Variants in ARG1 observed in about 807,000 individuals in gnomAD.
ARG1 encodes the protein arginase-1.
ARG1 carries 20 observed loss-of-function variants against 33.0 expected under a neutral mutation model. The observed-to-expected ratio is 0.61, with a 90% CI of 0.43 to 0.88. The LOEUF is 0.88. Ranked by LOEUF, ARG1 falls within the 40% of genes least tolerant of loss-of-function variation. ARG1 has a pLI of 0.00. For synonymous variants in ARG1, 146 were observed against 140.6 expected (o/e 1.04, Z -0.27); for missense variants, 374 against 384.7 (o/e 0.97, Z 0.23).
At chr6:131,582,389 C>T (rs994499212) in intron 4 of ARG1, among the ~76,000 whole-genome samples, 2 of 151,990 alleles carry the variant, frequency 1.3e-5, no homozygotes, top group Non-Finnish European at 2.9e-5. Context: ...AAAGAAGGGC[C>T]CAGCAGGACT....
intron 1 of ARG1, among the ~76,000 whole-genome samples, chr6:131,576,405 T>C (rs1351892693): frequency 6.6e-6 from 1 of 152,204 alleles, no homozygotes; most frequent in Non-Finnish European, 1.5e-5. Context: ...AATATGAACA[T>C]AGGCTCTGCC....
chr6:131,574,190 T>C, intron 1 of ARG1: 1 of 1,334,516 alleles, frequency 7.5e-7, no homozygotes, highest in Non-Finnish European at 1.1e-6. Context: ...CAAGACAATG[T>C]ATGAGTTGAA....
chr6:131,576,896 G>A (rs2114519984), intron 2 of ARG1, among the ~76,000 whole-genome samples, 161 bp downstream of exon 2: 1 of 152,230 alleles, frequency 6.6e-6, no homozygotes, highest in South Asian at 2.1e-4. Context: ...AGGGCATGGG[G>A]AGAATGCTCA....
rs953667116 is a variant in ARG1, at chr6:131,584,173, A to T, written c.*265A>T. 4 of 433,208 alleles carry T rather than the reference A, an allele frequency of 9.2e-6. No individual in the cohort carries two copies. The highest frequency in any genetic ancestry group is 1.7e-5 in the Non-Finnish European group (4 of 241,224). 26.8% of individuals were successfully genotyped at this position (433,208 alleles called of 1,614,324 possible). On this transcript the variant is annotated 3_prime_UTR_variant, in exon 8 of 8. Coordinates refer to ENST00000368087, the MANE Select transcript of ARG1 (RefSeq NM_000045.4). ...AGTGTACATTGATTTCCAATTAAAA[A>T]TTTGCTGGCATTAAAAATAAGCACA...
rs532943866 is a variant in ARG1 at position 131,583,818 on chromosome 6, G to C, written c.879G>C (p.Val293=). 5 of 1,614,112 alleles carry C rather than the reference G, an allele frequency of 3.1e-6. No individual in the cohort carries two copies. The Admixed American group carries it at 8.3e-5, about 27-fold the overall frequency. The part of the protein sequence containing the change: ...GKTPEEVTRT[V]NTAVAITLAC... ...CACCAGAAGAAGTAACTCGAACAGT[G>C]AACACAGCAGTTGCAATAACCTTGG... Residue 293 remains valine, a synonymous_variant, in exon 8 of 8, where the codon GTG becomes GTC. Coordinates refer to ENST00000368087, the MANE Select transcript of ARG1 (RefSeq NM_000045.4).
At chr6:131,581,786 C>T (rs1464485979) in intron 4 of ARG1, among the ~76,000 whole-genome samples, 2 of 152,090 alleles carry the variant, frequency 1.3e-5, no homozygotes, top group African/African-American at 4.8e-5. Flanking sequence ...CTGAGTAGTC[C>T]TTCTATATCA....
intron 1 of ARG1, among the ~76,000 whole-genome samples, chr6:131,573,776 C>A (rs1460799427): frequency 6.6e-6 from 1 of 151,972 alleles, no homozygotes; most frequent in African/African-American, 2.4e-5. Context: ...TTGGTGGTAA[C>A]CTTCAGGCTT....
At chr6:131,577,988 G>A (rs1294843754) in intron 2 of ARG1, among the ~76,000 whole-genome samples, 3 of 150,114 alleles carry the variant, frequency 2.0e-5, no homozygotes, top group Middle Eastern at 3.8e-3. Flanking sequence ...GATAAGACAA[G>A]AAAGACTACA....
At position 131,576,349 on chromosome 6, in the gene ARG1, G is replaced by A. The variant is rs551387878; in HGVS notation, c.58-314G>A. Among the ~76,000 whole-genome samples the A allele has an allele frequency of 3.9e-5, 6 of 152,316 alleles. No homozygotes were observed. The East Asian group carries it at 1.2e-3, about 29-fold the overall frequency. On this transcript the variant is annotated intron_variant, in intron 1 of 7. Coordinates refer to ENST00000368087, the MANE Select transcript of ARG1 (RefSeq NM_000045.4). ...TACTTGTTCACTGTGTTGATAACAT[G>A]GTTTGACGGGAAGAGGGGATGTAGG...
rs764273304 is a variant in ARG1 at position 131,583,398 on chromosome 6, G to T, written c.709G>T (p.Asp237Tyr). The T allele has an allele frequency of 6.2e-7, 1 of 1,614,146 alleles. No homozygotes were observed. Among genetic ancestry groups the T allele is most frequent in the Admixed American group, 1.7e-5 (1 of 60,026 alleles). The change falls in exon 7 of 8, where the codon GAC becomes TAC. Residue 237 changes from aspartate to tyrosine, a missense_variant. Asp to Tyr is a radical substitution (Grantham distance 160). Transcript: ENST00000368087. Reference protein sequence around the residue: ...IHLSFDVDGLDPSFTPATGTP... With the variant: ...IHLSFDVDGLYPSFTPATGTP... Reference sequence around the variant, plus strand: ...TCTAAGTTTTGATGTTGACGGACTGGACCCATCTTTCACACCAGCTACTGG... The same window carrying T: ...TCTAAGTTTTGATGTTGACGGACTGTACCCATCTTTCACACCAGCTACTGG...
intron 1 of ARG1, among the ~76,000 whole-genome samples, chr6:131,574,845 A>T (rs941684057): frequency 2.6e-5 from 4 of 151,986 alleles, no homozygotes; most frequent in East Asian, 3.9e-4. Flanking sequence ...CAGTTGGGTT[A>T]AAAAAAAGCC....
At chr6:131,579,342 A>G (rs1270331162) in intron 3 of ARG1, 57 bp downstream of exon 3, 2 of 1,581,274 alleles carry the variant, frequency 1.3e-6, no homozygotes, top group East Asian at 2.2e-5. Context: ...AACCAAGGCC[A>G]TAAGAAGAGA....
intron 2 of ARG1, 131 bp from the exon 3 acceptor site, chr6:131,578,980 A>T: frequency 9.5e-7 from 1 of 1,049,886 alleles, no homozygotes; most frequent in Non-Finnish European, 1.4e-6. Context: ...CCCAAGATTT[A>T]CAGACCTTTC....
rs758420954 is a variant in ARG1 at position 131,583,178 on chromosome 6, G to C, written c.665+14G>C. ...TCTACTAGGAAGGTAGGATTCTTTT[G>C]TGTGTGCACACATGTGTGTGCAACA... On this transcript the variant is annotated intron_variant, in intron 6 of 7. Transcript: ENST00000368087. 1.9e-6 allele frequency: 3 copies of C among 1,607,374 alleles called. No individual in the cohort carries two copies. The African/African-American group carries it at 4.0e-5, about 22-fold the overall frequency.
chr6:131,574,183 G>T, intron 1 of ARG1: 1 of 1,297,828 alleles, frequency 7.7e-7, no homozygotes, highest in Non-Finnish European at 1.1e-6. Flanking sequence ...AATCAAACAA[G>T]ACAATGTATG....
At position 131,574,473 on chromosome 6, in the gene ARG1, C is replaced by G. The variant is rs527680991; in HGVS notation, c.57+1134C>G. 8.5e-5 allele frequency among the ~76,000 whole-genome samples: 13 copies of G among 152,276 alleles called. 1 individual carries two copies. The highest frequency in any genetic ancestry group is 7.8e-4 in the Admixed American group (12 of 15,300). On this transcript the variant is annotated intron_variant, in intron 1 of 7. Transcript: ENST00000368087. ...CACACTGTTCTCACCCACTCTTGAA[C>G]AGGTTATAATAAATATATAATTTAA...
At chr6:131,577,133 C>T (rs1489318585) in intron 2 of ARG1, among the ~76,000 whole-genome samples, 2 of 152,164 alleles carry the variant, frequency 1.3e-5, no homozygotes, top group Admixed American at 6.5e-5. Context: ...ATAACAACAG[C>T]GCCTAGTGTG....
rs145344967 is a variant in ARG1 at position 131,574,118 on chromosome 6, C to A, written c.57+779C>A. Reference sequence around the variant, plus strand: ...TAGTAAAGAGAGTGTGATGACAGAACACCTTAGACTTCAACACGCATCTGT... The same window carrying A: ...TAGTAAAGAGAGTGTGATGACAGAAAACCTTAGACTTCAACACGCATCTGT... On this transcript the variant is annotated intron_variant, in intron 1 of 7. Coordinates refer to ENST00000368087, the MANE Select transcript of ARG1 (RefSeq NM_000045.4). The A allele has an allele frequency of 2.5e-5, 19 of 764,228 alleles. No homozygotes were observed. In the South Asian group the frequency reaches 2.9e-4, roughly 11 times the overall value. 47.3% of individuals were successfully genotyped at this position (764,228 alleles called of 1,614,324 possible).
At chr6:131,579,378 A>G in intron 3 of ARG1, 93 bp downstream of exon 3, 1 of 1,401,636 alleles carries the variant, frequency 7.1e-7, no homozygotes. Context: ...TAGACAGAAA[A>G]GCATTGACCT....
Sources: gnomAD v4.1 joint callset for allele counts (sites outside exome capture counted in the v4.1 genomes callset) on GRCh38, gnomAD v4.1.1 for gene constraint, MANE v1.5 for transcripts, NCBI Gene and HGNC (gene_info 2026-07-23, HGNC 2026-07-21) for gene names.